BABAM2: variants seen among roughly 807,000 people sequenced by gnomAD.
BABAM2 encodes BRISC and BRCA1 A complex member 2.
BABAM2 carries 31 observed loss-of-function variants against 54.7 expected under a neutral mutation model. The observed-to-expected ratio is 0.57, with a 90% confidence interval of 0.43 to 0.77. The LOEUF (loss-of-function observed/expected upper bound fraction) is 0.77. Among genes scored for constraint, BABAM2 ranks in the 30% least tolerant of loss-of-function variants. The pLI is 0.00. For synonymous variants in BABAM2, 167 were observed against 162.9 expected (o/e 1.03, Z -0.19); for missense variants, 364 against 455.8 (o/e 0.80, Z 1.83).
rs141878492 is a variant in BABAM2 at position 28,311,806 on chromosome 2, G to A, written c.1088+13315G>A. 3.0e-3 allele frequency among the ~76,000 whole-genome samples: 453 copies of A among 152,246 alleles called. 4 individuals carry two copies. The highest frequency in any genetic ancestry group is 1.0e-2 in the African/African-American group (414 of 41,534). On this transcript the variant is annotated intron_variant, in intron 11 of 11. Transcript: ENST00000379624. Reference sequence around the variant, plus strand: ...TTGAGAAACTTCCATCTCTGTTGCCGGAGGTCAGACACAAATTGAAAACAT... The same window carrying A: ...TTGAGAAACTTCCATCTCTGTTGCCAGAGGTCAGACACAAATTGAAAACAT...
chr2:28,020,952 G>GACACACACACACACACACACAC (rs57086132), intron 4 of BABAM2, among the ~76,000 whole-genome samples: 1 of 144,414 alleles, frequency 6.9e-6, no homozygotes, highest in African/African-American at 2.6e-5. Flanking sequence ...CTGTCTCTCT[G>GACACACACACACACACACACAC]ACACACACAC....
At chr2:27,899,034 C>A (rs942032460) in intron 2 of BABAM2, among the ~76,000 whole-genome samples, 5 of 151,418 alleles carry the variant, frequency 3.3e-5, no homozygotes, top group African/African-American at 1.2e-4. Context: ...GAGGCTGAGA[C>A]AGGTGGATCA....
intron 7 of BABAM2, among the ~76,000 whole-genome samples, chr2:28,133,725 G>A: frequency 6.6e-6 from 1 of 152,186 alleles, no homozygotes; most frequent in East Asian, 1.9e-4. Flanking sequence ...GAAAAGAAAA[G>A]GGCTACTTTT....
At chr2:28,025,098 A>G (rs1013274607) in intron 4 of BABAM2, 128 bp from the exon 5 acceptor site, 10 of 784,950 alleles carry the variant, frequency 1.3e-5, no homozygotes, top group Non-Finnish European at 1.7e-5. Context: ...GTATATGGCT[A>G]AGGAGGAGTA....
At chr2:28,041,853 T>C (rs1677126047) in intron 5 of BABAM2, among the ~76,000 whole-genome samples, 2 of 152,154 alleles carry the variant, frequency 1.3e-5, no homozygotes, top group Admixed American at 6.6e-5. Context: ...TCACTCTGCC[T>C]ATTGTCATGA....
intron 6 of BABAM2, among the ~76,000 whole-genome samples, chr2:28,100,375 G>A (rs892745960): frequency 3.4e-5 from 5 of 148,962 alleles, no homozygotes; most frequent in Non-Finnish European, 7.4e-5. Flanking sequence ...CAGGAGAATC[G>A]CTTGAACCTG....
chr2:28,051,251 G>T (rs577070059), intron 6 of BABAM2, among the ~76,000 whole-genome samples: 7 of 152,310 alleles, frequency 4.6e-5, no homozygotes, highest in African/African-American at 1.2e-4. Context: ...GCAACTATCC[G>T]CAGTGTCCTG....
In BABAM2 at chr2:28,010,266, T is replaced by G. The variant is rs180909940; in HGVS notation, c.301-14960T>G. Among the ~76,000 whole-genome samples the G allele has an allele frequency of 3.5e-3, 528 of 152,276 alleles. 1 individual carries two copies. Among genetic ancestry groups the G allele is most frequent in the East Asian group, 0.011 (57 of 5,182 alleles). On this transcript the variant is annotated intron_variant, in intron 4 of 11. Coordinates refer to ENST00000379624, the MANE Select transcript of BABAM2 (RefSeq NM_199191.3). ...ATACCTCTTTCAGATCCATTTTAACTTAAATTTACTGAATGAGTTGTAGTA... is the reference window on the plus strand; with the variant it reads ...ATACCTCTTTCAGATCCATTTTAACGTAAATTTACTGAATGAGTTGTAGTA...
intron 2 of BABAM2, among the ~76,000 whole-genome samples, chr2:27,912,373 T>C (rs1232361483): frequency 6.6e-6 from 1 of 152,192 alleles, no homozygotes; most frequent in Admixed American, 6.5e-5. Flanking sequence ...CAGCACAATG[T>C]ATTTAATTTT....
intron 3 of BABAM2, among the ~76,000 whole-genome samples, chr2:27,963,459 G>A (rs1253044701): frequency 1.1e-5 from 1 of 95,060 alleles, no homozygotes; most frequent in East Asian, 3.5e-4. Context: ...GACAGAGAAA[G>A]ACTCTTTCTC....
Position 28,329,333 on chromosome 2 carries a change from A to T in BABAM2, c.1089-9117A>T. 6.6e-6 allele frequency among the ~76,000 whole-genome samples: 1 copy of T among 152,140 alleles called. No individual in the cohort carries two copies. The highest frequency in any genetic ancestry group is 1.9e-4 in the East Asian group (1 of 5,180). On this transcript the variant is annotated intron_variant, in intron 11 of 11. Transcript: ENST00000379624. The surrounding 1 kb of genome is among the most constrained non-coding windows in gnomAD (Gnocchi z 4.2). ...GTATAAAACTATGCAGATGGAAACG[A>T]TCCAATAATAACCCAACTACTCCCA...
intron 7 of BABAM2, among the ~76,000 whole-genome samples, chr2:28,143,808 C>T (rs948737026): frequency 1.3e-5 from 2 of 152,264 alleles, no homozygotes; most frequent in Middle Eastern, 3.4e-3. Flanking sequence ...CTATGAGGTT[C>T]GTTGCCACTG....
chr2:28,016,255 G>A lies in BABAM2; in HGVS notation c.301-8971G>A, dbSNP rs1255533243. On this transcript the variant is annotated intron_variant, in intron 4 of 11. Coordinates refer to ENST00000379624, the MANE Select transcript of BABAM2 (RefSeq NM_199191.3). ...CACTTGCACTTAACAATTTCCCCCT[G>A]TGTTTTTCTAGTTCTTTCTTCCAGT... 5 of 907,186 alleles carry A rather than the reference G, an allele frequency of 5.5e-6. No homozygotes were observed. The East Asian group carries it at 1.3e-4, about 24-fold the overall frequency. 56.2% of individuals were successfully genotyped at this position (907,186 alleles called of 1,614,324 possible).
intron 10 of BABAM2, among the ~76,000 whole-genome samples, chr2:28,290,552 C>T (rs555260820): frequency 1.6e-4 from 25 of 152,168 alleles, no homozygotes; most frequent in Non-Finnish European, 2.9e-4. Flanking sequence ...TTTATATGAG[C>T]CTTTACTGAG....
At chr2:28,148,723 CAA>C (rs1448133123) in intron 7 of BABAM2, among the ~76,000 whole-genome samples, 2 of 152,166 alleles carry the variant, frequency 1.3e-5, no homozygotes, top group African/African-American at 4.8e-5. Flanking sequence ...GCAGGGCAAA[CAA>C]GAGCTGTACT....
At chr2:28,180,745 C>A (rs1210659141) in intron 7 of BABAM2, among the ~76,000 whole-genome samples, 1 of 151,816 alleles carries the variant, frequency 6.6e-6, no homozygotes, top group Admixed American at 6.6e-5. Context: ...CCAAAATATG[C>A]GAGGAACTCA....
chr2:28,310,300 A>T, intron 11 of BABAM2: 2 of 739,844 alleles, frequency 2.7e-6, no homozygotes, highest in Non-Finnish European at 4.3e-6. Context: ...TGTGCAGACC[A>T]GGCTGCACCA....
At chr2:28,139,155 C>A (rs559994239) in intron 7 of BABAM2, among the ~76,000 whole-genome samples, 1 of 151,532 alleles carries the variant, frequency 6.6e-6, no homozygotes, top group South Asian at 2.1e-4. Flanking sequence ...CAGCTGGGCG[C>A]AATGGCTCAC....
At chr2:28,267,108 A>T (rs1270446077) in intron 10 of BABAM2, among the ~76,000 whole-genome samples, 1 of 152,164 alleles carries the variant, frequency 6.6e-6, no homozygotes, top group Non-Finnish European at 1.5e-5. Context: ...GTGAGCCTAG[A>T]TTGTGCCACT....
Sources: gnomAD v4.1 joint callset for allele counts (sites outside exome capture counted in the v4.1 genomes callset) on GRCh38, gnomAD v4.1.1 for gene constraint, Gnocchi (gnomAD v3.1) non-coding constraint, MANE v1.5 for transcripts, NCBI Gene and HGNC (gene_info 2026-07-23, HGNC 2026-07-21) for gene names.